GAB1: variants seen among roughly 807,000 people sequenced by gnomAD.
The protein encoded by GAB1 is GRB2-associated-binding protein 1.
GAB1 carries 19 observed loss-of-function variants against 66.5 expected under a neutral mutation model. The ratio of observed to expected loss-of-function variants is 0.29; its 90% CI spans 0.20 to 0.42. GAB1 has a LOEUF of 0.42. Among genes scored for constraint, GAB1 ranks in the 10% least tolerant of loss-of-function variants. The pLI is 1.00. For synonymous variants in GAB1, 294 were observed against 301.4 expected, an observed-to-expected ratio of 0.98 and a Z score of 0.25; for missense variants, 732 against 858.5, an observed-to-expected ratio of 0.85 and a Z score of 1.84.
rs930606339 is a variant in GAB1, at chr4:143,390,664, C to A, written c.73-24813C>A. On this transcript the variant is annotated intron_variant, in intron 1 of 9. Coordinates refer to ENST00000262994, the MANE Select transcript of GAB1 (RefSeq NM_002039.4). ...GTGTTCATACCAGTTATGATTAAGC[C>A]TATGCTGCTGGGCCAAAGAGCCCCC... is the stretch of plus-strand genomic sequence containing the variant. Among the ~76,000 whole-genome samples the A allele has an allele frequency of 2.0e-5, 3 of 152,068 alleles. No individual in the cohort carries two copies. In the South Asian group the frequency reaches 6.2e-4, roughly 32 times the overall value.
chr4:143,356,659 C>T (rs1354295307), intron 1 of GAB1, among the ~76,000 whole-genome samples: 1 of 152,140 alleles, frequency 6.6e-6, no homozygotes, highest in Non-Finnish European at 1.5e-5. Flanking sequence ...TTTTAACCTG[C>T]ACAGGTTCAG....
At chr4:143,363,657 T>G (rs563770045) in intron 1 of GAB1, among the ~76,000 whole-genome samples, 1 of 152,216 alleles carries the variant, frequency 6.6e-6, no homozygotes, top group East Asian at 1.9e-4. Flanking sequence ...GCAGAATCTT[T>G]ACCTTCTCTG....
At position 143,337,200 on chromosome 4, in the gene GAB1, T is replaced by G. The variant is rs991912931; in HGVS notation, c.12T>G (p.Gly4=). 2.5e-6 allele frequency: 4 copies of G among 1,582,032 alleles called. No homozygotes were observed. In the Admixed American group the frequency reaches 7.3e-5, roughly 29 times the overall value. The change falls in exon 1 of 10, where the codon GGT becomes GGG. Residue 4 remains glycine (G), a synonymous_variant. Transcript: ENST00000262994. MSG[G]EVVCSGWLRK... Reference sequence around the variant, plus strand: ...GAGACGCGCGCACCATGAGCGGTGGTGAAGTGGTCTGCTCCGGATGGCTCC... The same window carrying G: ...GAGACGCGCGCACCATGAGCGGTGGGGAAGTGGTCTGCTCCGGATGGCTCC...
intron 6 of GAB1, among the ~76,000 whole-genome samples, chr4:143,444,856 T>C (rs569621077): frequency 6.6e-6 from 1 of 152,316 alleles, no homozygotes; most frequent in South Asian, 2.1e-4. Flanking sequence ...ACATGTGATA[T>C]TTGGTTTTCT....
At chr4:143,352,531 G>A (rs777360540) in intron 1 of GAB1, among the ~76,000 whole-genome samples, 5 of 152,194 alleles carry the variant, frequency 3.3e-5, no homozygotes, top group Non-Finnish European at 5.9e-5. Flanking sequence ...AGGGTCTAGA[G>A]CAGTCAGTGG....
At chr4:143,463,375 A>G (rs1389486995) in intron 8 of GAB1, among the ~76,000 whole-genome samples, 3 of 152,140 alleles carry the variant, frequency 2.0e-5, no homozygotes, top group Non-Finnish European at 4.4e-5. Flanking sequence ...TAATCCCAGC[A>G]CTTTAAGGAG....
intron 1 of GAB1, among the ~76,000 whole-genome samples, chr4:143,351,786 G>A (rs1344995619): frequency 6.6e-6 from 1 of 152,350 alleles, no homozygotes; most frequent in African/African-American, 2.4e-5. Context: ...CTAGTGGGTA[G>A]AAGCAGGGAT....
intron 1 of GAB1, among the ~76,000 whole-genome samples, chr4:143,351,182 A>G (rs1729199840): frequency 6.6e-6 from 1 of 152,214 alleles, no homozygotes; most frequent in Admixed American, 6.5e-5. Flanking sequence ...TCACAAGGAC[A>G]GAGTGATTTC....
At chr4:143,337,374 G>A in intron 1 of GAB1, 114 bp downstream of exon 1, 2 of 877,354 alleles carry the variant, frequency 2.3e-6, no homozygotes, top group Non-Finnish European at 1.8e-6. Context: ...AACGAATGCC[G>A]GTCTCTTTCC....
Position 143,417,273 on chromosome 4 carries a change from G to A in GAB1, c.367+1502G>A, listed in dbSNP as rs1219875544. On this transcript the variant is annotated intron_variant, in intron 2 of 9. Transcript: ENST00000262994. ...GGCAGTAAGGCTCTGAGTGAAAAAG[G>A]CCCAGGGACAGTTGCTTACAAATCT... is the stretch of plus-strand genomic sequence containing the variant. Among the ~76,000 whole-genome samples, 9 of 152,164 alleles carry A rather than the reference G, an allele frequency of 5.9e-5. No individual in the cohort carries two copies. In the East Asian group the frequency reaches 1.7e-3, roughly 29 times the overall value.
intron 1 of GAB1, among the ~76,000 whole-genome samples, chr4:143,338,601 C>T (rs556311520): frequency 2.1e-3 from 317 of 152,272 alleles, no homozygotes; most frequent in Non-Finnish European, 3.6e-3. Flanking sequence ...GCCTCCAAAT[C>T]CTGTCCATCT....
intron 1 of GAB1, among the ~76,000 whole-genome samples, chr4:143,405,355 CAT>C (rs1731989852): frequency 2.0e-5 from 3 of 152,186 alleles, no homozygotes; most frequent in African/African-American, 7.2e-5. Context: ...CTAATATTAA[CAT>C]ATTGGCACGG....
intron 1 of GAB1, among the ~76,000 whole-genome samples, chr4:143,378,756 G>A (rs745621764): frequency 6.0e-5 from 9 of 150,996 alleles, no homozygotes; most frequent in African/African-American, 1.7e-4. Flanking sequence ...CAGGTTATAC[G>A]ACAGAGCTCA....
rs145871693 is a variant in GAB1 at position 143,445,025 on chromosome 4, C to G, written c.1585+4643C>G. 1.7e-3 allele frequency among the ~76,000 whole-genome samples: 257 copies of G among 152,258 alleles called. 1 individual carries two copies. Among genetic ancestry groups the G allele is most frequent in the African/African-American group, 5.7e-3 (238 of 41,558 alleles). Reference sequence around the variant, plus strand: ...CACCTAGGTTGATTCCATGTCTTTGCTATTGTAAACACTGCTGCAGTGAAC... The same window carrying G: ...CACCTAGGTTGATTCCATGTCTTTGGTATTGTAAACACTGCTGCAGTGAAC... On this transcript the variant is annotated intron_variant, in intron 6 of 9. Coordinates refer to ENST00000262994, the MANE Select transcript of GAB1 (RefSeq NM_002039.4).
At chr4:143,457,595 C>CTTTTTTTTTT (rs144852070) in intron 6 of GAB1, 1 of 284,524 alleles carries the variant, frequency 3.5e-6, no homozygotes, top group African/African-American at 2.9e-5. Context: ...GGCTCTGTTG[C>CTTTTTTTTTT]TTTTTTTTTT....
At chr4:143,376,237 G>C (rs1489774974) in intron 1 of GAB1, among the ~76,000 whole-genome samples, 1 of 152,188 alleles carries the variant, frequency 6.6e-6, no homozygotes, top group Non-Finnish European at 1.5e-5. Context: ...TTTAGGGCTT[G>C]TAGGGTTATT....
intron 1 of GAB1, among the ~76,000 whole-genome samples, chr4:143,366,608 A>G (rs1166546994): frequency 4.6e-5 from 7 of 152,000 alleles, no homozygotes; most frequent in Non-Finnish European, 8.8e-5. Context: ...TGTTATTGTT[A>G]TTCCCTCACT....
At chr4:143,395,303 G>T (rs1731387235) in intron 1 of GAB1, 2 of 152,384 alleles carry the variant, frequency 1.3e-5, no homozygotes, top group African/African-American at 4.8e-5. Context: ...CTAGAACAGT[G>T]GAACATGTTC....
chr4:143,448,549 T>C (rs1441635511), intron 6 of GAB1, among the ~76,000 whole-genome samples: 1 of 151,586 alleles, frequency 6.6e-6, no homozygotes, highest in Non-Finnish European at 1.5e-5. Context: ...AATTTATCCA[T>C]TTCTTCTAGA....
Sources: allele counts gnomAD v4.1 joint callset (sites outside exome capture counted in the v4.1 genomes callset), GRCh38; gene constraint gnomAD v4.1.1; transcripts MANE v1.5; gene names NCBI Gene and HGNC (gene_info 2026-07-23, HGNC 2026-07-21).